Variants in ATP8A2 observed in about 807,000 individuals in gnomAD.
ATP8A2 encodes the protein phospholipid-transporting ATPase IB.
Under a neutral mutation model 165.6 loss-of-function variants are expected in ATP8A2, and 100 were observed. The observed-to-expected ratio is 0.60, with a 90% CI of 0.51 to 0.71. ATP8A2 has a LOEUF of 0.71. Among genes scored for constraint, ATP8A2 ranks in the 30% least tolerant of loss-of-function variants. The probability of loss-of-function intolerance (pLI) is 0.00; values close to 1 mark genes in which losing one functional copy is unlikely to be tolerated. For missense variants in ATP8A2, 1,227 were observed against 1,479.5 expected, an observed-to-expected ratio of 0.83 and a Z score of 2.80; for synonymous variants, 543 against 548.8, an observed-to-expected ratio of 0.99 and a Z score of 0.15.
intron 35 of ATP8A2, among the ~76,000 whole-genome samples, chr13:25,988,897 C>A (rs1956326135): frequency 6.6e-6 from 1 of 152,232 alleles, no homozygotes; most frequent in Non-Finnish European, 1.5e-5. Flanking sequence ...TTATTATATT[C>A]TCCACTGATT....
At chr13:25,774,184 A>G (rs945766228) in intron 26 of ATP8A2, among the ~76,000 whole-genome samples, 1 of 152,232 alleles carries the variant, frequency 6.6e-6, no homozygotes, top group Non-Finnish European at 1.5e-5. Flanking sequence ...GCTAGACTGG[A>G]TAAAGAAAAT....
chr13:25,691,547 A>G (rs1370145383), intron 24 of ATP8A2, among the ~76,000 whole-genome samples: 1 of 152,230 alleles, frequency 6.6e-6, no homozygotes, highest in East Asian at 1.9e-4. Flanking sequence ...GTGGGAAAAG[A>G]TAACCTGAGG....
At chr13:25,701,363 A>C (rs2042947622) in intron 25 of ATP8A2, among the ~76,000 whole-genome samples, 1 of 152,102 alleles carries the variant, frequency 6.6e-6, no homozygotes, top group Non-Finnish European at 1.5e-5. Context: ...TTTATTCATA[A>C]ATTTCCCTTT....
intron 24 of ATP8A2, among the ~76,000 whole-genome samples, chr13:25,595,020 A>G (rs1030005853): frequency 6.7e-6 from 1 of 148,900 alleles, no homozygotes; most frequent in Non-Finnish European, 1.5e-5. Context: ...ATGTATGCGT[A>G]TATGTATATG....
intron 33 of ATP8A2, among the ~76,000 whole-genome samples, chr13:25,909,259 C>A (rs953488145): frequency 6.6e-6 from 1 of 152,014 alleles, no homozygotes; most frequent in East Asian, 1.9e-4. Context: ...TCTCAAAATA[C>A]CTAGAGGAAA....
chr13:25,399,773 C>T (rs1242324873), intron 1 of ATP8A2, among the ~76,000 whole-genome samples: 1 of 151,050 alleles, frequency 6.6e-6, no homozygotes, highest in Non-Finnish European at 1.5e-5. Flanking sequence ...CCTCCTCCTC[C>T]TCTTCTGCTT....
intron 35 of ATP8A2, among the ~76,000 whole-genome samples, chr13:26,010,338 G>A (rs1304553072): frequency 6.6e-6 from 1 of 152,204 alleles, no homozygotes; most frequent in Non-Finnish European, 1.5e-5. Flanking sequence ...GATGGCCAGG[G>A]TGGTTCAGGA....
chr13:25,669,681 A>T (rs558844499), intron 24 of ATP8A2, among the ~76,000 whole-genome samples: 10 of 151,788 alleles, frequency 6.6e-5, no homozygotes, highest in Admixed American at 2.0e-4. Context: ...TCTGTCCCTT[A>T]CTAGTTTTTA....
In ATP8A2 at chr13:25,577,133, G is replaced by A; in HGVS notation, c.1777G>A (p.Gly593Arg). The A allele has an allele frequency of 6.2e-7, 1 of 1,613,802 alleles. No homozygotes were observed. Among genetic ancestry groups the A allele is most frequent in the Non-Finnish European group, 8.5e-7 (1 of 1,179,730 alleles). The change falls in exon 20 of 37, where the codon GGG becomes AGG. Residue 593 changes from glycine (G) to arginine (R), a missense_variant. Physicochemically the swap from Gly to Arg is moderately radical, Grantham distance 125 (BLOSUM62 -2). Transcript: ENST00000381655. ...AGGACGACTTCGGCTTTACTGTAAA[G>A]GGGCTGTAAGTACCGGAGAAGCGTT... Reference protein sequence around the residue: ...PSGRLRLYCKGADNVIFERLS... With the variant: ...PSGRLRLYCKRADNVIFERLS...
At chr13:25,404,676 C>T (rs181297413) in intron 1 of ATP8A2, among the ~76,000 whole-genome samples, 18 of 152,090 alleles carry the variant, frequency 1.2e-4, no homozygotes, top group East Asian at 5.8e-4. Flanking sequence ...GGGTGCAGAA[C>T]GCGGGAGGAA....
At chr13:25,828,688 C>G (rs1289048621) in intron 28 of ATP8A2, among the ~76,000 whole-genome samples, 1 of 152,174 alleles carries the variant, frequency 6.6e-6, no homozygotes, top group Non-Finnish European at 1.5e-5. Flanking sequence ...TTCTGACTTC[C>G]AGCTACTGTG....
intron 25 of ATP8A2, among the ~76,000 whole-genome samples, chr13:25,748,579 G>C (rs528610935): frequency 1.4e-4 from 22 of 152,178 alleles, no homozygotes; most frequent in Non-Finnish European, 2.8e-4. Flanking sequence ...TAATTGTTTA[G>C]TGCAGAACGC....
rs550537079 is a variant in ATP8A2 at position 25,980,922 on chromosome 13, A to G, written c.3377+12243A>G. Reference sequence around the variant, plus strand: ...AAGTTAAGTGAAACCTCAATACTGTATATAAAAATACACAAAATATTTATT... The same window carrying G: ...AAGTTAAGTGAAACCTCAATACTGTGTATAAAAATACACAAAATATTTATT... On this transcript the variant is annotated intron_variant, in intron 35 of 36. Transcript: ENST00000381655. Among the ~76,000 whole-genome samples the G allele has an allele frequency of 2.6e-5, 4 of 152,336 alleles. No homozygotes were observed. In the East Asian group the frequency reaches 7.7e-4, roughly 29 times the overall value.
chr13:25,469,732 G>T (rs763256770), intron 2 of ATP8A2, among the ~76,000 whole-genome samples: 21 of 152,160 alleles, frequency 1.4e-4, no homozygotes, highest in Non-Finnish European at 1.0e-4. Flanking sequence ...ATTGAAGCAG[G>T]CCAGGAGACT....
At chr13:25,749,091 G>T (rs1237798232) in intron 25 of ATP8A2, among the ~76,000 whole-genome samples, 4 of 152,188 alleles carry the variant, frequency 2.6e-5, no homozygotes, top group Admixed American at 2.0e-4. Flanking sequence ...ACATGAAATT[G>T]TGGATCCTTA....
chr13:25,781,194 C>T (rs1025851504), intron 27 of ATP8A2, among the ~76,000 whole-genome samples: 2 of 151,966 alleles, frequency 1.3e-5, no homozygotes, highest in African/African-American at 4.8e-5. Flanking sequence ...ACCTGGGAGG[C>T]GGAACTTGCA....
chr13:25,433,010 T>G (rs2138157438), intron 1 of ATP8A2, among the ~76,000 whole-genome samples: 1 of 152,302 alleles, frequency 6.6e-6, no homozygotes, highest in South Asian at 2.1e-4. Context: ...TTTTCCACAG[T>G]TTGGAGAAAT....
chr13:25,542,734 G>A (rs1305408175), intron 9 of ATP8A2, among the ~76,000 whole-genome samples: 2 of 152,036 alleles, frequency 1.3e-5, no homozygotes, highest in African/African-American at 4.8e-5. Context: ...ACAACTAAGT[G>A]TGACTGCTTC....
intron 10 of ATP8A2, among the ~76,000 whole-genome samples, chr13:25,549,512 G>A (rs2038755074): frequency 1.3e-5 from 2 of 150,840 alleles, no homozygotes; most frequent in South Asian, 4.2e-4. Context: ...AGACCTGCAG[G>A]CTGACACTCC....
Sources: allele counts gnomAD v4.1 joint callset (sites outside exome capture counted in the v4.1 genomes callset), GRCh38; gene constraint gnomAD v4.1.1; transcripts MANE v1.5; gene names NCBI Gene and HGNC (gene_info 2026-07-23, HGNC 2026-07-21).